BTBD9: variants seen among roughly 807,000 people sequenced by gnomAD.
The protein encoded by BTBD9 is BTB domain containing 9.
A neutral mutation model predicts 64.3 loss-of-function variants in BTBD9; 49 were observed. That is an observed-to-expected ratio of 0.76 (90% CI 0.61 to 0.97). The LOEUF is 0.97. BTBD9 is among the 50% of genes least tolerant of loss of function. The pLI is 0.00. For synonymous variants in BTBD9, 260 were observed against 274.7 expected, an observed-to-expected ratio of 0.95 and a Z score of 0.53; for missense variants, 598 against 762.1, an observed-to-expected ratio of 0.78 and a Z score of 2.53.
intron 9 of BTBD9, among the ~76,000 whole-genome samples, chr6:38,229,845 G>T (rs1025277219): frequency 3.3e-5 from 5 of 152,140 alleles, no homozygotes; most frequent in African/African-American, 1.2e-4. Flanking sequence ...TGAATTTCAT[G>T]TCTGTCATTT....
At chr6:38,551,980 G>A (rs181764029) in intron 6 of BTBD9, among the ~76,000 whole-genome samples, 163 of 152,306 alleles carry the variant, frequency 1.1e-3, no homozygotes, top group Non-Finnish European at 1.8e-3. Flanking sequence ...TGTGGTGGCT[G>A]AAGACCCAGG....
In BTBD9 at chr6:38,253,244, C is replaced by T. The variant is rs148363182; in HGVS notation, c.1562+3165G>A. 1.2e-4 allele frequency among the ~76,000 whole-genome samples: 18 copies of T among 152,328 alleles called. No individual in the cohort carries two copies. The East Asian group carries it at 3.3e-3, about 28-fold the overall frequency. On this transcript the variant is annotated intron_variant, in intron 9 of 10. Transcript: ENST00000481247. ...CTGATAAACAAAGAGCTTTAATTGA[C>T]TCACACTTCCATATGGCTGGAGAGG...
chr6:38,582,699 C>A (rs1005062212), intron 4 of BTBD9, among the ~76,000 whole-genome samples: 5 of 152,096 alleles, frequency 3.3e-5, no homozygotes, highest in Admixed American at 2.0e-4. Context: ...GTGAAAAAAA[C>A]CAAGCTTAAG....
At chr6:38,498,457 T>TAAAAAAAA (rs11393821) in intron 6 of BTBD9, among the ~76,000 whole-genome samples, 1 of 132,660 alleles carries the variant, frequency 7.5e-6, no homozygotes. Flanking sequence ...TATCTAGTAC[T>TAAAAAAAA]AAAAAAAAAA....
At chr6:38,316,029 T>C (rs1763015947) in intron 7 of BTBD9, among the ~76,000 whole-genome samples, 1 of 152,228 alleles carries the variant, frequency 6.6e-6, no homozygotes, top group African/African-American at 2.4e-5. Flanking sequence ...CATATCCTCT[T>C]ACTGAGTTGA....
intron 7 of BTBD9, among the ~76,000 whole-genome samples, chr6:38,292,106 C>T (rs1385775101): frequency 6.6e-6 from 1 of 152,034 alleles, no homozygotes; most frequent in African/African-American, 2.4e-5. Context: ...GGATTACAGG[C>T]GGTTGCCACC....
At chr6:38,511,958 T>C (rs1772794138) in intron 6 of BTBD9, among the ~76,000 whole-genome samples, 1 of 151,958 alleles carries the variant, frequency 6.6e-6, no homozygotes, top group Non-Finnish European at 1.5e-5. Flanking sequence ...CACAGAGCAA[T>C]GAAAACCTAC....
At chr6:38,501,608 T>C (rs887645397) in intron 6 of BTBD9, among the ~76,000 whole-genome samples, 1 of 152,166 alleles carries the variant, frequency 6.6e-6, no homozygotes, top group African/African-American at 2.4e-5. Context: ...GTTCTCAAAA[T>C]GTAGTCTGGG....
chr6:38,634,048 C>T (rs1434093782), intron 1 of BTBD9, among the ~76,000 whole-genome samples: 3 of 152,172 alleles, frequency 2.0e-5, no homozygotes, highest in African/African-American at 7.2e-5. Flanking sequence ...GCACTTCACA[C>T]GATTTCTGGC....
Position 38,288,347 on chromosome 6 carries a change from C to G in BTBD9, c.1379G>C (p.Gly460Ala), listed in dbSNP as rs1463757378. 4 of 1,614,132 alleles carry G rather than the reference C, an allele frequency of 2.5e-6. No individual in the cohort carries two copies. The highest frequency in any genetic ancestry group is 1.7e-6 in the Non-Finnish European group (2 of 1,180,022). Reference protein sequence around the residue: ...GDTKNYDWDSGYTCHQLGSGA... With the variant: ...GDTKNYDWDSAYTCHQLGSGA... The stretch of plus-strand genomic sequence containing the variant: ...ACTTCCTAGCTGGTGACATGTGTAG[C>G]CAGAATCCCAGTCATAATTCTTAGT... Residue 460 changes from glycine (G) to alanine (A), a missense_variant, in exon 8 of 11, where the codon GGC becomes GCC. Physicochemically the swap from Gly to Ala is moderately conservative, Grantham distance 60. Coordinates refer to ENST00000481247, the MANE Select transcript of BTBD9 (RefSeq NM_001099272.2).
At position 38,289,379 on chromosome 6, in the gene BTBD9, A is replaced by T. The variant is rs554076857; in HGVS notation, c.1265-918T>A. On this transcript the variant is annotated intron_variant, in intron 7 of 10. Transcript: ENST00000481247. ...ACACGGTGAGACTCCCTCTCAAAAA[A>T]AATTTTTTTTAATTGATTTTATGTC... is the stretch of plus-strand genomic sequence containing the variant. Among the ~76,000 whole-genome samples the T allele has an allele frequency of 5.3e-5, 8 of 152,274 alleles. No homozygotes were observed. The South Asian group carries it at 1.0e-3, about 20-fold the overall frequency.
At chr6:38,364,658 T>C (rs1765116322) in intron 6 of BTBD9, among the ~76,000 whole-genome samples, 1 of 152,220 alleles carries the variant, frequency 6.6e-6, no homozygotes, top group South Asian at 2.1e-4. Flanking sequence ...AGGGACTTTA[T>C]ATAATAAATC....
intron 6 of BTBD9, among the ~76,000 whole-genome samples, chr6:38,351,317 T>C (rs1562062437): frequency 6.6e-6 from 1 of 152,160 alleles, no homozygotes. Flanking sequence ...CCATTTGCCC[T>C]GCAAAGGGAG....
At chr6:38,284,010 G>C (rs1186036623) in intron 8 of BTBD9, among the ~76,000 whole-genome samples, 1 of 152,208 alleles carries the variant, frequency 6.6e-6, no homozygotes, top group Admixed American at 6.5e-5. Context: ...AGCCTGCCAA[G>C]ATCTCCAGCA....
chr6:38,236,557 T>A (rs1207486103), intron 9 of BTBD9, among the ~76,000 whole-genome samples: 2 of 152,186 alleles, frequency 1.3e-5, no homozygotes, highest in Non-Finnish European at 2.9e-5. Flanking sequence ...TATCTCCATA[T>A]AAAATTCCTA....
intron 6 of BTBD9, among the ~76,000 whole-genome samples, chr6:38,514,109 G>T (rs558512164): frequency 6.6e-6 from 1 of 152,362 alleles, no homozygotes; most frequent in South Asian, 2.1e-4. Context: ...TATTCAACCA[G>T]TCTTCTGGTG....
chr6:38,527,789 T>C (rs769283100), intron 6 of BTBD9, among the ~76,000 whole-genome samples: 1 of 135,924 alleles, frequency 7.4e-6, no homozygotes, highest in Non-Finnish European at 1.5e-5. Flanking sequence ...GGAAAGACTC[T>C]ATCACCATGA....
intron 6 of BTBD9, among the ~76,000 whole-genome samples, chr6:38,488,465 C>T (rs955679757): frequency 1.8e-4 from 28 of 152,148 alleles, no homozygotes; most frequent in African/African-American, 3.9e-4. Context: ...TCTCTAGCTC[C>T]GTAAATGAAG....
At chr6:38,428,629 A>G (rs1768289127) in intron 6 of BTBD9, among the ~76,000 whole-genome samples, 1 of 151,886 alleles carries the variant, frequency 6.6e-6, no homozygotes, top group Non-Finnish European at 1.5e-5. Flanking sequence ...CTCAAAAATG[A>G]GTAAATGAAT....
Sources: gnomAD v4.1 joint callset for allele counts (sites outside exome capture counted in the v4.1 genomes callset) on GRCh38, gnomAD v4.1.1 for gene constraint, MANE v1.5 for transcripts, NCBI Gene and HGNC (gene_info 2026-07-23, HGNC 2026-07-21) for gene names.